Variants in RAB27A observed in about 807,000 individuals in gnomAD.
RAB27A encodes the protein ras-related protein Rab-27A.
A neutral mutation model predicts 20.8 loss-of-function variants in RAB27A; 17 were observed. The observed-to-expected ratio is 0.82, with a 90% CI of 0.56 to 1.23. RAB27A has a LOEUF of 1.23. Ranked by LOEUF, RAB27A falls within the 50% of genes most tolerant of loss-of-function variation. The pLI, the probability that RAB27A is intolerant of heterozygous loss-of-function variation, is 0.00. For missense variants in RAB27A, 277 were observed against 266.7 expected (o/e 1.04, Z -0.27); for synonymous variants, 85 against 92.8 (o/e 0.92, Z 0.48).
chr15:55,288,595 G>T (rs1898221155), intron 1 of RAB27A, among the ~76,000 whole-genome samples: 1 of 151,548 alleles, frequency 6.6e-6, no homozygotes, highest in Non-Finnish European at 1.5e-5. Flanking sequence ...CAGAAATTAA[G>T]GAAGGAAGAA....
chr15:55,219,336 C>G (rs954722767), intron 6 of RAB27A, among the ~76,000 whole-genome samples: 3 of 152,220 alleles, frequency 2.0e-5, no homozygotes, highest in Admixed American at 2.0e-4. Flanking sequence ...GCATATTTCA[C>G]TCACTCATGC....
intron 2 of RAB27A, among the ~76,000 whole-genome samples, chr15:55,303,761 G>A (rs2054985368): frequency 1.5e-5 from 2 of 136,310 alleles, no homozygotes; most frequent in Non-Finnish European, 3.2e-5. Flanking sequence ...CCTCTGCCCG[G>A]CCAGCCGCCC....
At chr15:55,208,831 G>A (rs1049579193) in intron 6 of RAB27A, among the ~76,000 whole-genome samples, 5 of 152,192 alleles carry the variant, frequency 3.3e-5, no homozygotes, top group African/African-American at 1.2e-4. Context: ...TCCTCTAGAA[G>A]CAGAGTAGAT....
chr15:55,275,874 A>G (rs1212148318), intron 1 of RAB27A, among the ~76,000 whole-genome samples: 1 of 147,734 alleles, frequency 6.8e-6, no homozygotes, highest in Non-Finnish European at 1.5e-5. Flanking sequence ...GCAAATCAAA[A>G]CCACAATGAT....
At chr15:55,208,825 C>A (rs115955954) in intron 6 of RAB27A, among the ~76,000 whole-genome samples, 106 of 152,236 alleles carry the variant, frequency 7.0e-4, no homozygotes, top group African/African-American at 2.4e-3. Flanking sequence ...AGCATGTCCT[C>A]TAGAAGCAGA....
At chr15:55,231,528 T>C (rs1348247215) in intron 3 of RAB27A, among the ~76,000 whole-genome samples, 2 of 152,194 alleles carry the variant, frequency 1.3e-5, no homozygotes, top group African/African-American at 2.4e-5. Flanking sequence ...AACAGCCGAA[T>C]ATCAGTAAAA....
chr15:55,252,916 C>T (rs764010999), intron 2 of RAB27A, among the ~76,000 whole-genome samples: 56 of 152,006 alleles, frequency 3.7e-4, no homozygotes, highest in Non-Finnish European at 6.0e-4. Context: ...GGGTGGATCA[C>T]GAGGTCAAGA....
chr15:55,273,110 A>G (rs1276719382), intron 1 of RAB27A, among the ~76,000 whole-genome samples: 1 of 152,216 alleles, frequency 6.6e-6, no homozygotes, highest in African/African-American at 2.4e-5. Flanking sequence ...ACATTCTCCA[A>G]CTGAAAGACA....
intron 6 of RAB27A, among the ~76,000 whole-genome samples, chr15:55,218,244 C>A: frequency 6.6e-6 from 1 of 152,030 alleles, no homozygotes; most frequent in East Asian, 1.9e-4. Context: ...AATTGAACAA[C>A]ATTTCCAGGA....
chr15:55,225,945 T>A (rs1895777897), intron 5 of RAB27A, among the ~76,000 whole-genome samples: 1 of 152,170 alleles, frequency 6.6e-6, no homozygotes, highest in South Asian at 2.1e-4. Context: ...AGGCCATCTT[T>A]GCTAGGTTTT....
At chr15:55,208,839 G>C (rs1467157254) in intron 6 of RAB27A, among the ~76,000 whole-genome samples, 1 of 152,130 alleles carries the variant, frequency 6.6e-6, no homozygotes, top group African/African-American at 2.4e-5. Context: ...AAGCAGAGTA[G>C]ATAGCTAAAG....
chr15:55,303,275 C>T (rs1595755756), intron 2 of RAB27A, among the ~76,000 whole-genome samples: 1 of 109,054 alleles, frequency 9.2e-6, no homozygotes, highest in African/African-American at 4.3e-5. Flanking sequence ...GTCAGCCCCC[C>T]GCCTGGCCAG....
chr15:55,265,587 T>C (rs1897444161), intron 2 of RAB27A, among the ~76,000 whole-genome samples: 1 of 151,070 alleles, frequency 6.6e-6, no homozygotes, highest in Non-Finnish European at 1.5e-5. Flanking sequence ...ATCCAAAACA[T>C]GTAACTGAGT....
intron 6 of RAB27A, among the ~76,000 whole-genome samples, chr15:55,208,322 A>G (rs1032380627): frequency 1.3e-5 from 2 of 152,362 alleles, no homozygotes; most frequent in African/African-American, 4.8e-5. Context: ...CTAGAAATAT[A>G]TAATTTTGAC....
At chr15:55,269,095 G>A (rs1194336076) in intron 2 of RAB27A, among the ~76,000 whole-genome samples, 1 of 152,164 alleles carries the variant, frequency 6.6e-6, no homozygotes, top group African/African-American at 2.4e-5. Context: ...GACCAACCCC[G>A]CTGACATCTT....
Position 55,259,176 on chromosome 15 carries a change from G to A in RAB27A, c.-23+10989C>T, listed in dbSNP as rs977264324. Among the ~76,000 whole-genome samples, 3 of 152,022 alleles carry A rather than the reference G, an allele frequency of 2.0e-5. No individual in the cohort carries two copies. The East Asian group carries it at 5.8e-4, about 30-fold the overall frequency. On this transcript the variant is annotated intron_variant, in intron 2 of 6. Transcript: ENST00000336787. ...ATTCTGGATACTATTTATAAGTTAT[G>A]TATGTTGCAAATATATTCTTACTGT...
intron 2 of RAB27A, among the ~76,000 whole-genome samples, chr15:55,295,002 T>A (rs2141140241): frequency 6.6e-6 from 1 of 152,188 alleles, no homozygotes; most frequent in East Asian, 1.9e-4. Flanking sequence ...CAAAAAGACA[T>A]AATCCAATTA....
upstream of RAB27A, among the ~76,000 whole-genome samples, chr15:55,291,576 GA>G (rs1486508167): frequency 6.9e-6 from 1 of 145,766 alleles, no homozygotes; most frequent in African/African-American, 2.5e-5. Context: ...ATGTCCAGAG[GA>G]ATAGTCCTGG....
chr15:55,258,528 G>T (rs966667118), intron 2 of RAB27A, among the ~76,000 whole-genome samples: 15 of 152,212 alleles, frequency 9.9e-5, no homozygotes, highest in African/African-American at 3.4e-4. Flanking sequence ...ACCAGGGGGA[G>T]TCACCTCCTC....
Sources: allele counts gnomAD v4.1 joint callset (sites outside exome capture counted in the v4.1 genomes callset), GRCh38; gene constraint gnomAD v4.1.1; transcripts MANE v1.5; gene names NCBI Gene and HGNC (gene_info 2026-07-23, HGNC 2026-07-21).